Variants in MED10 observed in about 807,000 individuals in gnomAD.
The protein encoded by MED10 is mediator of RNA polymerase II transcription subunit 10.
MED10 carries 9 observed loss-of-function variants against 17.2 expected under a neutral mutation model. The observed-to-expected ratio is 0.52, with a 90% CI of 0.31 to 0.91. MED10 has a LOEUF of 0.91. MED10 is among the 40% of genes least tolerant of loss of function. MED10 has a pLI of 0.04. For missense variants in MED10, 129 were observed against 164.8 expected (o/e 0.78, Z 1.19); for synonymous variants, 66 against 59.8 (o/e 1.10, Z -0.48).
chr5:6,375,159 C>A (rs77991575), intron 2 of MED10, among the ~76,000 whole-genome samples: 1,546 of 152,202 alleles, frequency 0.01, 23 homozygotes, highest in African/African-American at 0.036. Flanking sequence ...TCTTCAGTAT[C>A]CTGAAGATTT....
chr5:6,372,177 T>C lies in MED10; in HGVS notation c.*326A>G. 1 of 249,504 alleles carries C rather than the reference T, an allele frequency of 4.0e-6. No individual in the cohort carries two copies. The highest frequency in any genetic ancestry group is 7.6e-6 in the Non-Finnish European group (1 of 131,028). The allele number at this position is 249,504 out of a possible 1,614,324, so 15.5% of individuals were successfully genotyped here. ...AATATTAGGTAGAATGTTGTAAAAC[T>C]TTTAATTTACCCATCATATTTAACA... On this transcript the variant is annotated 3_prime_UTR_variant, in exon 4 of 4. Coordinates refer to ENST00000255764, the MANE Select transcript of MED10 (RefSeq NM_032286.3).
chr5:6,377,389 C>CCTG, intron 1 of MED10, 140 bp from the exon 2 acceptor site: 2 of 464,684 alleles, frequency 4.3e-6, no homozygotes, highest in South Asian at 4.7e-5. Context: ...CGGTTCTGAC[C>CCTG]TCTTTGGTTA....
chr5:6,373,228 T>A (rs558559244), intron 3 of MED10, among the ~76,000 whole-genome samples: 51 of 152,178 alleles, frequency 3.4e-4, no homozygotes, highest in African/African-American at 1.2e-3. Flanking sequence ...CTCCCCTTGC[T>A]CCTCCCACTC....
chr5:6,378,310 G>T, intron 1 of MED10, 52 bp downstream of exon 1: 1 of 1,508,574 alleles, frequency 6.6e-7, no homozygotes, highest in Non-Finnish European at 8.9e-7. Context: ...CCTAGCACAC[G>T]CTTCCCGGCC....
intron 2 of MED10, chr5:6,374,751 C>T (rs1737958501): frequency 4.0e-6 from 1 of 247,254 alleles, no homozygotes; most frequent in South Asian, 5.7e-5. Flanking sequence ...TATTTATTAC[C>T]TTTTTGATCC....
At chr5:6,372,850 G>A (rs1057397495) in intron 3 of MED10, among the ~76,000 whole-genome samples, 1 of 152,218 alleles carries the variant, frequency 6.6e-6, no homozygotes, top group Non-Finnish European at 1.5e-5. Flanking sequence ...AGGCACCAGT[G>A]TGACAGGAGC....
chr5:6,376,563 C>T (rs966466570), intron 2 of MED10, among the ~76,000 whole-genome samples: 3 of 152,228 alleles, frequency 2.0e-5, no homozygotes, highest in East Asian at 3.8e-4. Flanking sequence ...AAGCTCATTC[C>T]TGTATGTGTT....
Position 6,378,498 on chromosome 5 carries a change from C to T in MED10, c.-15G>A, listed in dbSNP as rs1250160414. 1.2e-6 allele frequency: 2 copies of T among 1,609,286 alleles called. No individual in the cohort carries two copies. Among genetic ancestry groups the T allele is most frequent in the Admixed American group, 3.4e-5 (2 of 59,618 alleles). On this transcript the variant is annotated 5_prime_UTR_variant, in exon 1 of 4. Transcript: ENST00000255764. ...TTCTCCGCCATCGCCTCGGCCCGTCCCCGACCCACACAGCCTCAACCAGCA... is the reference window on the plus strand; with the variant it reads ...TTCTCCGCCATCGCCTCGGCCCGTCTCCGACCCACACAGCCTCAACCAGCA...
At chr5:6,373,184 G>A (rs757169102) in intron 3 of MED10, among the ~76,000 whole-genome samples, 1 of 152,148 alleles carries the variant, frequency 6.6e-6, no homozygotes, top group Non-Finnish European at 1.5e-5. Context: ...CCTGTGACCT[G>A]CCTGTGACTA....
chr5:6,378,382 C>T lies in MED10; in HGVS notation c.102G>A (p.Gln34=). The T allele has an allele frequency of 3.1e-6, 5 of 1,612,348 alleles. No homozygotes were observed. Among genetic ancestry groups the T allele is most frequent in the Non-Finnish European group, 4.2e-6 (5 of 1,179,548 alleles). The change falls in exon 1 of 4, where the codon CAG becomes CAA. Residue 34 remains glutamine (Q), a synonymous_variant. Transcript: ENST00000255764. ...CTCACAGCTTTTGGTTGAGCCCGGC[C>T]TGGCTGCTGGGCTGGAAGTCACTGA... The part of the protein sequence containing the change: ...IIVSDFQPSS[Q]AGLNQKLNFI...
intron 2 of MED10, 73 bp from the exon 3 acceptor site, chr5:6,374,499 G>C: frequency 1.9e-6 from 2 of 1,068,480 alleles, no homozygotes; most frequent in East Asian, 2.4e-5. Flanking sequence ...GAAAGGTATG[G>C]GGGAATAAAG....
chr5:6,374,332 T>C lies in MED10; in HGVS notation c.301A>G (p.Thr101Ala). The change falls in exon 3 of 4, where the codon ACC becomes GCC. Residue 101 changes from threonine to alanine, a missense_variant. By Grantham distance (58) the Thr-to-Ala change is moderately conservative (BLOSUM62 0). Transcript: ENST00000255764. ...ACTCCTTAGAGTCTTACCTTCATGGTGTCGATCTTGCCTTTAACTTGCTCA... is the reference window on the plus strand; with the variant it reads ...ACTCCTTAGAGTCTTACCTTCATGGCGTCGATCTTGCCTTTAACTTGCTCA... ...KNEQVKGKID[T>A]MKKFKSLLIQ... The C allele has an allele frequency of 6.2e-7, 1 of 1,609,430 alleles. No homozygotes were observed. Among genetic ancestry groups the C allele is most frequent in the Non-Finnish European group, 8.5e-7 (1 of 1,175,720 alleles).
intron 2 of MED10, 85 bp downstream of exon 2, chr5:6,377,081 G>C: frequency 1.2e-6 from 1 of 840,868 alleles, no homozygotes; most frequent in Non-Finnish European, 1.8e-6. Context: ...GCAGGCACTC[G>C]AATGCCAGTG....
chr5:6,377,018 T>A, intron 2 of MED10, 148 bp downstream of exon 2: 1 of 443,762 alleles, frequency 2.3e-6, no homozygotes, highest in East Asian at 3.5e-5. Flanking sequence ...TATTTTTGTC[T>A]ATTTTTTTTT....
chr5:6,375,523 C>A (rs1737972648), intron 2 of MED10, among the ~76,000 whole-genome samples: 1 of 152,184 alleles, frequency 6.6e-6, no homozygotes, highest in African/African-American at 2.4e-5. Context: ...CAAAATCTAT[C>A]CATTTCTCAA....
intron 1 of MED10, among the ~76,000 whole-genome samples, chr5:6,378,079 G>C (rs9313148): frequency 0.16 from 23,733 of 152,224 alleles, 1,957 homozygotes; most frequent in East Asian, 0.23. Flanking sequence ...AGAAGAGAAA[G>C]CATGATTCCC....
rs368585069 is a variant in MED10 at position 6,378,511 on chromosome 5, G to A, written c.-28C>T. ...CCTCGGCCCGTCCCCGACCCACACA[G>A]CCTCAACCAGCAGCGCCGCAGGCGT... On this transcript the variant is annotated 5_prime_UTR_variant, in exon 1 of 4. Transcript: ENST00000255764. 1.3e-6 allele frequency: 2 copies of A among 1,597,514 alleles called. No homozygotes were observed. The highest frequency in any genetic ancestry group is 1.1e-5 in the South Asian group (1 of 89,868).
intron 3 of MED10, among the ~76,000 whole-genome samples, chr5:6,373,761 C>T (rs1288475661): frequency 6.6e-6 from 1 of 152,152 alleles, no homozygotes; most frequent in African/African-American, 2.4e-5. Context: ...AATAAAGAAA[C>T]AAAACACCAA....
intron 2 of MED10, among the ~76,000 whole-genome samples, chr5:6,375,923 A>G (rs560644934): frequency 6.6e-6 from 1 of 152,300 alleles, no homozygotes; most frequent in South Asian, 2.1e-4. Context: ...CAGTCTGTTC[A>G]CATCAGTCTC....
Sources: gnomAD v4.1 joint callset for allele counts (sites outside exome capture counted in the v4.1 genomes callset) on GRCh38, gnomAD v4.1.1 for gene constraint, MANE v1.5 for transcripts, NCBI Gene and HGNC (gene_info 2026-07-23, HGNC 2026-07-21) for gene names.